SLC25A13: variants seen among roughly 807,000 people sequenced by gnomAD.
SLC25A13 encodes solute carrier family 25 member 13, also known as electrogenic aspartate/glutamate antiporter SLC25A13, mitochondrial.
SLC25A13 carries 70 observed loss-of-function variants against 85.5 expected under a neutral mutation model. The ratio of observed to expected loss-of-function variants is 0.82; its 90% CI spans 0.68 to 1.00. SLC25A13 has a LOEUF of 1.00. Among genes scored for constraint, SLC25A13 ranks in the 50% least tolerant of loss-of-function variants. The pLI is 0.00. For missense variants in SLC25A13, 765 were observed against 819.8 expected, an observed-to-expected ratio of 0.93 and a Z score of 0.82; for synonymous variants, 259 against 288.7, an observed-to-expected ratio of 0.90 and a Z score of 1.04.
intron 13 of SLC25A13, among the ~76,000 whole-genome samples, chr7:96,162,870 T>C (rs78205764): frequency 0.022 from 3,364 of 152,310 alleles, 60 homozygotes; most frequent in Non-Finnish European, 0.029. Flanking sequence ...TTTCATTTAA[T>C]GGGTACCCTT....
In SLC25A13 at chr7:96,276,432, G is replaced by A. The variant is rs1019643557; in HGVS notation, c.212+764C>T. 1.5e-3 allele frequency among the ~76,000 whole-genome samples: 221 copies of A among 152,214 alleles called. 4 individuals carry two copies. Among genetic ancestry groups the A allele is most frequent in the Non-Finnish European group, 1.0e-4 (7 of 68,018 alleles). On this transcript the variant is annotated intron_variant, in intron 3 of 17. Coordinates refer to ENST00000265631, the MANE Select transcript of SLC25A13 (RefSeq NM_014251.3). Reference sequence around the variant, plus strand: ...AGCCCAGGAGTTTGAGACCAGCCTGGGCAATACGGCAAAATCCCGTCTCTA... The same window carrying A: ...AGCCCAGGAGTTTGAGACCAGCCTGAGCAATACGGCAAAATCCCGTCTCTA...
rs888527499 is a variant in SLC25A13, at chr7:96,192,954, A to C, written c.615+83T>G. 4.1e-6 allele frequency: 6 copies of C among 1,459,264 alleles called. No homozygotes were observed. In the South Asian group the frequency reaches 6.9e-5, roughly 17 times the overall value. The allele number at this position is 1,459,264 out of a possible 1,614,324, so 90.4% of individuals were successfully genotyped here. On this transcript the variant is annotated intron_variant, in intron 6 of 17. Transcript: ENST00000265631. ...TGTTAGTGTTTGCAACAGAAAAAAA[A>C]CACTACATAACTTATAAGAATTGTT...
chr7:96,167,181 A>G (rs1584400362), intron 13 of SLC25A13, among the ~76,000 whole-genome samples: 3 of 152,372 alleles, frequency 2.0e-5, no homozygotes, highest in East Asian at 3.9e-4. Context: ...AACTAAAACT[A>G]ATCTCAAATG....
intron 14 of SLC25A13, among the ~76,000 whole-genome samples, chr7:96,139,577 A>G (rs1427363305): frequency 6.6e-6 from 1 of 152,224 alleles, no homozygotes; most frequent in South Asian, 2.1e-4. Context: ...AAAGTCCATC[A>G]GGAGTAAGGC....
At chr7:96,147,651 T>C (rs1374750016) in intron 13 of SLC25A13, among the ~76,000 whole-genome samples, 2 of 152,196 alleles carry the variant, frequency 1.3e-5, no homozygotes, top group Non-Finnish European at 2.9e-5. Context: ...GCTACAAGGA[T>C]GGCCTTTGAA....
intron 3 of SLC25A13, among the ~76,000 whole-genome samples, chr7:96,275,153 A>C (rs1275203789): frequency 6.6e-6 from 1 of 152,166 alleles, no homozygotes; most frequent in African/African-American, 2.4e-5. Context: ...ATGTTCTTCC[A>C]TTTGTTTGTA....
At chr7:96,211,033 G>T (rs1017760151) in intron 4 of SLC25A13, among the ~76,000 whole-genome samples, 1 of 152,080 alleles carries the variant, frequency 6.6e-6, no homozygotes, top group Non-Finnish European at 1.5e-5. Context: ...TAGCTGGTAT[G>T]TAAAGCTAAG....
Position 96,193,132 on chromosome 7 carries a change from T to C in SLC25A13, c.520A>G (p.Arg174Gly). The C allele has an allele frequency of 6.2e-7, 1 of 1,614,176 alleles. No homozygotes were observed. The highest frequency in any genetic ancestry group is 8.5e-7 in the Non-Finnish European group (1 of 1,179,996). Residue 174 changes from arginine (R) to glycine (G), a missense_variant, in exon 6 of 18, where the codon AGG (arginine) becomes GGG (glycine). Transcript: ENST00000265631. Reference sequence around the variant, plus strand: ...TCGATGGCTGTGACTCTCCCAGTCCTAGCATTGTCCCGTTGCACAAAGGCT... The same window carrying C: ...TCGATGGCTGTGACTCTCCCAGTCCCAGCATTGTCCCGTTGCACAAAGGCT... ...KQAFVQRDNARTGRVTAIDFR... is the reference protein window; with the variant it reads ...KQAFVQRDNAGTGRVTAIDFR...
chr7:96,308,980 A>C (rs1562922724), intron 1 of SLC25A13, among the ~76,000 whole-genome samples: 2 of 152,228 alleles, frequency 1.3e-5, no homozygotes, highest in Non-Finnish European at 2.9e-5. Context: ...AAAAGAATCT[A>C]GGACTGAGCT....
At chr7:96,274,629 T>G (rs1195526040) in intron 3 of SLC25A13, among the ~76,000 whole-genome samples, 2 of 152,202 alleles carry the variant, frequency 1.3e-5, no homozygotes, top group Non-Finnish European at 2.9e-5. Flanking sequence ...TTCTAGGGTT[T>G]TTATGGTTTT....
chr7:96,138,027 A>G (rs186675159), intron 14 of SLC25A13, among the ~76,000 whole-genome samples: 137 of 152,300 alleles, frequency 9.0e-4, no homozygotes, highest in African/African-American at 3.1e-3. Flanking sequence ...TCCACCTGGG[A>G]TCACCTTCCA....
At chr7:96,213,470 T>C (rs1795777294) in intron 4 of SLC25A13, among the ~76,000 whole-genome samples, 1 of 152,174 alleles carries the variant, frequency 6.6e-6, no homozygotes, top group African/African-American at 2.4e-5. Flanking sequence ...TTCTACTCTA[T>C]ACTCTGGCTC....
At position 96,297,055 on chromosome 7, in the gene SLC25A13, A is replaced by AT. The variant is rs921691267; in HGVS notation, c.16-105dup. 22 of 1,049,544 alleles carry AT rather than the reference A, an allele frequency of 2.1e-5. No homozygotes were observed. In the Admixed American group the frequency reaches 2.7e-4, roughly 13 times the overall value. The allele number at this position is 1,049,544 out of a possible 1,614,324, so 65.0% of individuals were successfully genotyped here. A position where few individuals can be genotyped will look rare whatever the true frequency, so the allele number is the denominator to read the frequency against. ...CTCAGATTAAAAATTAGTGCATTTC[A>AT]TTTTTGTACTTAAATACCATGTTGC... On this transcript the variant is annotated intron_variant, in intron 1 of 17. Coordinates refer to ENST00000265631, the MANE Select transcript of SLC25A13 (RefSeq NM_014251.3).
At chr7:96,239,482 C>G (rs1297457418) in intron 3 of SLC25A13, among the ~76,000 whole-genome samples, 1 of 151,986 alleles carries the variant, frequency 6.6e-6, no homozygotes, top group African/African-American at 2.4e-5. Flanking sequence ...TAATCAAGTT[C>G]AGACCTGGCT....
intron 3 of SLC25A13, among the ~76,000 whole-genome samples, chr7:96,261,650 T>C (rs1797855799): frequency 6.6e-6 from 1 of 152,230 alleles, no homozygotes. Flanking sequence ...CTGACAATCA[T>C]GGCACAATTA....
In SLC25A13 at chr7:96,283,794, T is replaced by C. The variant is rs564158521; in HGVS notation, c.70-6456A>G. ...GCTTGCATTGCTGGAAGCTATTTCC[T>C]ATGACTTCATGGCAAATAGGTGTTT... On this transcript the variant is annotated intron_variant, in intron 2 of 17. Transcript: ENST00000265631. The C allele has an allele frequency of 3.5e-5, 5 of 141,808 alleles. No homozygotes were observed. The East Asian group carries it at 9.9e-4, about 28-fold the overall frequency. 8.8% of individuals were successfully genotyped at this position (141,808 alleles called of 1,614,324 possible).
At chr7:96,194,442 C>CAAAAA (rs546248549) in intron 5 of SLC25A13, among the ~76,000 whole-genome samples, 1,671 of 27,176 alleles carry the variant, frequency 0.061, 237 homozygotes, top group Non-Finnish European at 0.07. Flanking sequence ...AACCTTGTCT[C>CAAAAA]AAAAAAAAAA....
intron 10 of SLC25A13, 112 bp downstream of exon 10, chr7:96,184,815 G>T: frequency 1.1e-6 from 1 of 917,146 alleles, no homozygotes. Context: ...CTGATAACTG[G>T]CATTGGGAAA....
intron 3 of SLC25A13, among the ~76,000 whole-genome samples, chr7:96,268,790 C>T (rs1339127042): frequency 2.0e-5 from 3 of 152,190 alleles, no homozygotes; most frequent in Admixed American, 1.3e-4. Flanking sequence ...GCCCACCTCT[C>T]CCACCACCAT....
Sources: gnomAD v4.1 joint callset for allele counts (sites outside exome capture counted in the v4.1 genomes callset) on GRCh38, gnomAD v4.1.1 for gene constraint, MANE v1.5 for transcripts, NCBI Gene and HGNC (gene_info 2026-07-23, HGNC 2026-07-21) for gene names.